The following RNF213 variants were observed in gnomAD, a reference collection of about 807,000 sequenced individuals.
RNF213 encodes E3 ubiquitin-protein ligase RNF213.
Under a neutral mutation model 514.4 loss-of-function variants are expected in RNF213, and 341 were observed. That is an observed-to-expected ratio of 0.66 (90% CI 0.61 to 0.73). The LOEUF (loss-of-function observed/expected upper bound fraction) is 0.73, where lower values mean the gene tolerates loss of function less well. RNF213 is among the 30% of genes least tolerant of loss of function. The pLI is 0.00. For synonymous variants in RNF213, 2,655 were observed against 2,658.2 expected, an observed-to-expected ratio of 1.00 and a Z score of 0.04; for missense variants, 5,767 against 6,615.6, an observed-to-expected ratio of 0.87 and a Z score of 4.45.
intron 42 of RNF213, chr17:80,365,029 A>C (rs2079205472): frequency 4.5e-6 from 1 of 222,500 alleles, no homozygotes; most frequent in African/African-American, 2.3e-5. Context: ...GTCACTCAAC[A>C]CCCTTCATAA....
At chr17:80,349,734 A>AG (rs1568112095) in intron 29 of RNF213, 36 bp from the exon 30 acceptor site, 1 of 1,612,924 alleles carries the variant, frequency 6.2e-7, no homozygotes, top group East Asian at 2.2e-5. Context: ...CTTTCCTTGA[A>AG]GTCTGGCAAG....
intron 10 of RNF213, among the ~76,000 whole-genome samples, chr17:80,297,750 G>A (rs1361643339): frequency 4.1e-5 from 6 of 147,682 alleles, no homozygotes; most frequent in Non-Finnish European, 7.4e-5. Flanking sequence ...TCGTGCCACT[G>A]CGCTCCAGCC....
intron 31 of RNF213, among the ~76,000 whole-genome samples, chr17:80,351,178 C>T (rs1203265877): frequency 6.6e-6 from 1 of 152,206 alleles, no homozygotes; most frequent in Non-Finnish European, 1.5e-5. Flanking sequence ...GCGCACAGAA[C>T]TCTTTGTTGA....
Position 80,367,822 on chromosome 17 carries a change from G to C in RNF213, c.11946G>C (p.Lys3982Asn). 1.2e-6 allele frequency: 2 copies of C among 1,614,266 alleles called. No homozygotes were observed. Among genetic ancestry groups the C allele is most frequent in the Non-Finnish European group, 1.7e-6 (2 of 1,180,050 alleles). ...EAVMRTLCEC[K>N]ETASKTLSRF... ...TGATGCGCACTCTCTGTGAATGCAA[G>C]GAGACAGCCAGCAAGACCCTCAGCA... The change falls in exon 43 of 68, where the codon AAG becomes AAC. Residue 3982 changes from lysine to asparagine, a missense_variant. Lys to Asn is a moderately conservative substitution (Grantham distance 94). Transcript: ENST00000582970.
At chr17:80,308,659 T>C (rs952021660) in intron 13 of RNF213, among the ~76,000 whole-genome samples, 2 of 152,232 alleles carry the variant, frequency 1.3e-5, no homozygotes, top group East Asian at 3.8e-4. Context: ...TATTTCTTTC[T>C]CTTCCTCCCT....
Position 80,354,473 on chromosome 17 carries a change from A to G in RNF213, c.10759A>G (p.Ser3587Gly), listed in dbSNP as rs977735877. Residue 3587 changes from serine (S) to glycine (G), a missense_variant, in exon 36 of 68, where the codon AGT (serine) becomes GGT (glycine). By Grantham distance (56) the Ser-to-Gly change is moderately conservative. This residue lies in a region of RNF213 where 919 missense variants were observed against 1,121.0 expected (regional missense o/e 0.82). Coordinates refer to ENST00000582970, the MANE Select transcript of RNF213 (RefSeq NM_001256071.3). ...CTTGCGGGTATCCAAGATGCGCCTC[A>G]GTGTCTTTTTAAAGAAGCAAGAAGA... ...SFLRVSKMRL[S>G]VFLKKQEESQ... The G allele has an allele frequency of 3.1e-6, 5 of 1,614,036 alleles. No homozygotes were observed. The highest frequency in any genetic ancestry group is 4.2e-6 in the Non-Finnish European group (5 of 1,180,034).
chr17:80,289,835 A>G lies in RNF213; in HGVS notation c.1110A>G (p.Ala370=), dbSNP rs141921176. ...NQEADVQEVK[A]STLSPGGGVT... ...AAGCAGATGTCCAGGAAGTGAAGGCAAGGTAGGGATGCCCCCGCAGGGGAG... is the reference window on the plus strand; with the variant it reads ...AAGCAGATGTCCAGGAAGTGAAGGCGAGGTAGGGATGCCCCCGCAGGGGAG... Residue 370 remains alanine, a splice_region_variant and synonymous_variant, in exon 6 of 68, where the codon GCA becomes GCG. Coordinates refer to ENST00000582970, the MANE Select transcript of RNF213 (RefSeq NM_001256071.3). 7.5e-4 allele frequency: 1,211 copies of G among 1,608,224 alleles called. 8 individuals are homozygous for G. In the African/African-American group the frequency reaches 0.014, roughly 18 times the overall value.
chr17:80,268,592 C>T (rs898138488), intron 2 of RNF213, among the ~76,000 whole-genome samples: 13 of 151,862 alleles, frequency 8.6e-5, no homozygotes, highest in Non-Finnish European at 1.8e-4. Flanking sequence ...AATACATCCT[C>T]TCTCATCCAT....
At chr17:80,359,504 G>A (rs373380068) in intron 37 of RNF213, among the ~76,000 whole-genome samples, 3 of 91,566 alleles carry the variant, frequency 3.3e-5, no homozygotes, top group African/African-American at 1.4e-4. Context: ...CCTGGGTGGT[G>A]ACAGAGTGAG....
At chr17:80,276,728 C>T (rs989510635) in intron 3 of RNF213, among the ~76,000 whole-genome samples, 2 of 151,858 alleles carry the variant, frequency 1.3e-5, no homozygotes, top group Non-Finnish European at 2.9e-5. Context: ...GTTAAGGAAG[C>T]AGCAAGGCAG....
At chr17:80,330,507 G>A (rs1004672077) in intron 20 of RNF213, among the ~76,000 whole-genome samples, 1 of 152,150 alleles carries the variant, frequency 6.6e-6, no homozygotes, top group Non-Finnish European at 1.5e-5. Context: ...GGCGGGCCTT[G>A]GCATCCCGTG....
rs202117335 is a variant in RNF213 at position 80,320,065 on chromosome 17, TC to T, written c.3024+755del. On this transcript the variant is annotated intron_variant, in intron 17 of 67. Coordinates refer to ENST00000582970, the MANE Select transcript of RNF213 (RefSeq NM_001256071.3). ...GCCATACGGTACATCTGTCAAAAGT[TC>T]CAGTTCAGCAGGTTTTGGGGTAGTC... 2.1e-3 allele frequency: 2,053 copies of T among 990,132 alleles called. 28 individuals are homozygous for T. The African/African-American group carries it at 0.033, about 16-fold the overall frequency. The allele number at this position is 990,132 out of a possible 1,614,324, so 61.3% of individuals were successfully genotyped here.
Position 80,381,002 on chromosome 17 carries a change from TGCCAAACAA to T in RNF213, c.13797+16_13797+24del. ...AGAGTTCCCAGGTATAACCCAGTGC[TGCCAAACAA>T]TGGGCTCAGTTAAGAACCTGCTTTC... is the stretch of plus-strand genomic sequence containing the variant. On this transcript the variant is annotated intron_variant, in intron 56 of 67. Transcript: ENST00000582970. 6.2e-7 allele frequency: 1 copy of T among 1,614,132 alleles called. No individual in the cohort carries two copies. Among genetic ancestry groups the T allele is most frequent in the Non-Finnish European group, 8.5e-7 (1 of 1,179,962 alleles).
At position 80,343,931 on chromosome 17, in the gene RNF213, G is replaced by A; in HGVS notation, c.6258G>A (p.Met2086Ile). The A allele has an allele frequency of 6.2e-7, 1 of 1,614,180 alleles. No individual in the cohort carries two copies. Among genetic ancestry groups the A allele is most frequent in the Non-Finnish European group, 8.5e-7 (1 of 1,180,016 alleles). Residue 2086 changes from methionine to isoleucine, a missense_variant, in exon 28 of 68, where the codon ATG becomes ATA. Around this residue, in one of 13 missense-constraint regions of RNF213, gnomAD observed 1,377 missense variants for 1,635.2 expected, o/e 0.84. Transcript: ENST00000582970. The surrounding 1 kb of genome is among the most constrained non-coding windows in gnomAD (Gnocchi z 4.3). ...ACTTAATGGATATAAATGGGAAAAT[G>A]TGGCTTCGGAACCCCTGCCATTTGT... ...LQYLMDINGK[M>I]WLRNPCHLYI... is the part of the protein sequence containing the mutation.
intron 11 of RNF213, among the ~76,000 whole-genome samples, chr17:80,302,492 A>G (rs932910070): frequency 1.3e-5 from 2 of 152,186 alleles, no homozygotes; most frequent in Non-Finnish European, 2.9e-5. Flanking sequence ...TACATTATGT[A>G]TTGTATACAT....
In RNF213 at chr17:80,349,825, A is replaced by G; in HGVS notation, c.10007A>G (p.Glu3336Gly). 6.2e-7 allele frequency: 1 copy of G among 1,614,070 alleles called. No individual in the cohort carries two copies. The highest frequency in any genetic ancestry group is 8.5e-7 in the Non-Finnish European group (1 of 1,179,962). ...TSHDCEILES[E>G]VTGRAPKPTL... ...CACGACTGTGAAATTTTAGAATCAG[A>G]GGTCACAGGCAGGGCTCCGAAACCC... is the stretch of plus-strand genomic sequence containing the variant. Residue 3336 changes from glutamate to glycine, a missense_variant, in exon 30 of 68, where the codon GAG (glutamate) becomes GGG (glycine). By Grantham distance (98) the Glu-to-Gly change is moderately conservative. This residue lies in a region of RNF213 where 919 missense variants were observed against 1,121.0 expected (regional missense o/e 0.82). Coordinates refer to ENST00000582970, the MANE Select transcript of RNF213 (RefSeq NM_001256071.3).
chr17:80,318,935 G>A (rs548160555), intron 16 of RNF213, among the ~76,000 whole-genome samples: 18 of 152,180 alleles, frequency 1.2e-4, no homozygotes, highest in Non-Finnish European at 2.1e-4. Flanking sequence ...AATGACCTAT[G>A]TCTCATAACT....
Position 80,364,469 on chromosome 17 carries a change from C to G in RNF213, c.11787C>G (p.Phe3929Leu), listed in dbSNP as rs780485953. The G allele has an allele frequency of 6.2e-7, 1 of 1,614,144 alleles. No individual in the cohort carries two copies. Among genetic ancestry groups the G allele is most frequent in the East Asian group, 2.2e-5 (1 of 44,880 alleles). ...GTCGGATTTTCTCCACCGCACTCTT[C>G]GTGGAGCACGTGCTCCTAGGAACCG... ...QWSRIFSTALFVEHVLLGTES... is the reference protein window; with the variant it reads ...QWSRIFSTALLVEHVLLGTES... Residue 3929 changes from phenylalanine (F) to leucine (L), a missense_variant, in exon 42 of 68, where the codon TTC becomes TTG. Physicochemically the swap from Phe to Leu is conservative, Grantham distance 22 (BLOSUM62 0). This residue lies in a region of RNF213 where 355 missense variants were observed against 358.0 expected (regional missense o/e 0.99). Transcript: ENST00000582970.
At chr17:80,287,307 G>A (rs144930750) in intron 3 of RNF213, among the ~76,000 whole-genome samples, 41 of 152,238 alleles carry the variant, frequency 2.7e-4, no homozygotes, top group African/African-American at 9.4e-4. Context: ...ACCAGCTTGG[G>A]CAACATGGTG....
Sources: allele counts gnomAD v4.1 joint callset (sites outside exome capture counted in the v4.1 genomes callset), GRCh38; gene constraint gnomAD v4.1.1; regional missense constraint gnomAD v4.1.1; non-coding constraint Gnocchi (gnomAD v3.1); transcripts MANE v1.5; gene names NCBI Gene and HGNC (gene_info 2026-07-23, HGNC 2026-07-21).